Variants in WDR41 observed in about 807,000 individuals in gnomAD.
The protein encoded by WDR41 is WD repeat domain 41, also known as WD repeat-containing protein 41.
In WDR41, 63 loss-of-function variants were observed where a neutral mutation model predicts 69.3. The ratio of observed to expected loss-of-function variants is 0.91; its 90% CI spans 0.74 to 1.12. The LOEUF (loss-of-function observed/expected upper bound fraction) is 1.12, where lower values mean the gene tolerates loss of function less well. Among genes scored for constraint, WDR41 ranks in the 50% most tolerant of loss-of-function variants. The pLI is 0.00. For synonymous variants in WDR41, 185 were observed against 192.1 expected, an observed-to-expected ratio of 0.96 and a Z score of 0.31; for missense variants, 543 against 534.5, an observed-to-expected ratio of 1.02 and a Z score of -0.16.
At position 77,474,599 on chromosome 5, in the gene WDR41, G is replaced by C. The variant is rs547831598; in HGVS notation, c.168-9790C>G. Among the ~76,000 whole-genome samples the C allele has an allele frequency of 3.3e-5, 5 of 152,278 alleles. No homozygotes were observed. In the South Asian group the frequency reaches 1.0e-3, roughly 32 times the overall value. The stretch of plus-strand genomic sequence containing the variant: ...GCTGACGCAACCAATTCCTTAATTA[G>C]ATCTACTTCAACAATTTCTTTTCCT... On this transcript the variant is annotated intron_variant, in intron 2 of 12. Transcript: ENST00000296679.
chr5:77,553,799 G>A (rs1743340655), intron 1 of WDR41, among the ~76,000 whole-genome samples: 1 of 152,120 alleles, frequency 6.6e-6, no homozygotes, highest in Non-Finnish European at 1.5e-5. Flanking sequence ...CCAAATGCTG[G>A]CAAGGATGCA....
intron 2 of WDR41, 67 bp from the exon 3 acceptor site, chr5:77,464,876 T>A: frequency 2.0e-6 from 3 of 1,477,864 alleles, no homozygotes; most frequent in Non-Finnish European, 2.8e-6. Flanking sequence ...GATTAAGAAC[T>A]ATCAAACCTT....
At chr5:77,497,496 G>A (rs1426450138) in intron 1 of WDR41, among the ~76,000 whole-genome samples, 1 of 152,120 alleles carries the variant, frequency 6.6e-6, no homozygotes, top group Non-Finnish European at 1.5e-5. Flanking sequence ...CACCTGAAAA[G>A]AAGCTCAACA....
chr5:77,536,145 T>C (rs1217572848), intron 1 of WDR41, among the ~76,000 whole-genome samples: 1 of 152,194 alleles, frequency 6.6e-6, no homozygotes, highest in South Asian at 2.1e-4. Flanking sequence ...TCCAAGTTTA[T>C]GCTCGTCTGA....
At chr5:77,511,991 A>T (rs1802210356) in intron 1 of WDR41, among the ~76,000 whole-genome samples, 1 of 152,312 alleles carries the variant, frequency 6.6e-6, no homozygotes, top group Middle Eastern at 3.4e-3. Flanking sequence ...GGATTTAGGC[A>T]GTTAATCAAC....
intron 8 of WDR41, among the ~76,000 whole-genome samples, chr5:77,445,705 CCTT>C (rs1799354064): frequency 6.6e-6 from 1 of 152,056 alleles, no homozygotes; most frequent in Non-Finnish European, 1.5e-5. Context: ...GCAGAAAAGG[CCTT>C]CGATAAAATT....
chr5:77,485,456 T>C (rs1461502316), intron 2 of WDR41, among the ~76,000 whole-genome samples: 2 of 152,220 alleles, frequency 1.3e-5, no homozygotes, highest in Non-Finnish European at 2.9e-5. Context: ...TAGAGGCACA[T>C]TTTGTTCTCC....
chr5:77,484,600 G>A (rs374997755), intron 2 of WDR41, among the ~76,000 whole-genome samples: 19 of 152,112 alleles, frequency 1.2e-4, no homozygotes, highest in Non-Finnish European at 1.6e-4. Context: ...GCATAAGTAC[G>A]TTAATAGCTC....
chr5:77,475,089 T>G (rs988369940), intron 2 of WDR41, among the ~76,000 whole-genome samples: 12 of 152,150 alleles, frequency 7.9e-5, no homozygotes, highest in Admixed American at 1.3e-4. Context: ...ACTCCCACCC[T>G]AATACTGCGC....
intron 1 of WDR41, among the ~76,000 whole-genome samples, chr5:77,584,239 G>A (rs906825476): frequency 3.9e-5 from 6 of 152,022 alleles, no homozygotes; most frequent in Non-Finnish European, 7.4e-5. Context: ...TTACAGGCAG[G>A]GCAATTAAGG....
chr5:77,475,548 C>G (rs1019624803), intron 2 of WDR41, among the ~76,000 whole-genome samples: 1 of 152,158 alleles, frequency 6.6e-6, no homozygotes, highest in Non-Finnish European at 1.5e-5. Context: ...GAGGCACCCC[C>G]CAGAAGGGAG....
At chr5:77,581,387 G>T (rs1427706517) in intron 1 of WDR41, among the ~76,000 whole-genome samples, 2 of 152,102 alleles carry the variant, frequency 1.3e-5, no homozygotes, top group East Asian at 3.8e-4. Context: ...GGGAGAAACA[G>T]ATAATTCAAC....
intron 2 of WDR41, among the ~76,000 whole-genome samples, chr5:77,478,626 C>A (rs1801079499): frequency 6.6e-6 from 1 of 152,134 alleles, no homozygotes; most frequent in African/African-American, 2.4e-5. Flanking sequence ...AATTCAACAA[C>A]ACTTCATGCT....
intron 1 of WDR41, among the ~76,000 whole-genome samples, chr5:77,509,317 T>C (rs114518431): frequency 1.0e-3 from 152 of 152,294 alleles, no homozygotes; most frequent in African/African-American, 3.5e-3. Flanking sequence ...TTCCCTGGAA[T>C]TCCCCTTTGA....
Position 77,453,869 on chromosome 5 carries a change from C to T in WDR41, c.471G>A (p.Val157=), listed in dbSNP as rs35356211. ...ACAGGAGATCTAATTTTCGGTTCCA[C>T]ACACACAGGTCATTCCCACCAGAAA... is the stretch of plus-strand genomic sequence containing the variant. ...VWLSGGNDLC[V]WNRKLDLLCK... The change falls in exon 6 of 13, where the codon GTG becomes GTA. Residue 157 remains valine, a synonymous_variant. Coordinates refer to ENST00000296679, the MANE Select transcript of WDR41 (RefSeq NM_018268.4). The T allele has an allele frequency of 3.6e-3, 5,844 of 1,614,066 alleles. 175 individuals carry two copies. The African/African-American group carries it at 0.066, about 18-fold the overall frequency.
intron 2 of WDR41, among the ~76,000 whole-genome samples, chr5:77,473,908 C>T (rs1800757183): frequency 6.6e-6 from 1 of 152,110 alleles, no homozygotes; most frequent in African/African-American, 2.4e-5. Context: ...CTAGAAATAC[C>T]ATTTGACCCA....
intron 1 of WDR41, among the ~76,000 whole-genome samples, chr5:77,525,928 G>C (rs772588422): frequency 1.3e-5 from 2 of 152,098 alleles, no homozygotes; most frequent in African/African-American, 4.8e-5. Context: ...TGCAACACAC[G>C]CCAGCACCAC....
intron 4 of WDR41, among the ~76,000 whole-genome samples, chr5:77,462,756 G>A (rs929925774): frequency 7.2e-5 from 11 of 152,060 alleles, no homozygotes; most frequent in East Asian, 1.9e-4. Context: ...CCAACTCATC[G>A]TTGTTTCCCT....
chr5:77,550,269 G>A (rs945172064), intron 1 of WDR41, among the ~76,000 whole-genome samples: 3 of 151,892 alleles, frequency 2.0e-5, no homozygotes, highest in East Asian at 1.9e-4. Context: ...AAATAGTTTC[G>A]GCACAGCAAA....
Sources: gnomAD v4.1 joint callset for allele counts (sites outside exome capture counted in the v4.1 genomes callset) on GRCh38, gnomAD v4.1.1 for gene constraint, MANE v1.5 for transcripts, NCBI Gene and HGNC (gene_info 2026-07-23, HGNC 2026-07-21) for gene names.